ALDH7A1: variants seen among roughly 807,000 people sequenced by gnomAD.
ALDH7A1 encodes the protein aldehyde dehydrogenase 7 family member A1, also known as alpha-aminoadipic semialdehyde dehydrogenase.
A neutral mutation model predicts 79.9 loss-of-function variants in ALDH7A1; 63 were observed. The ratio of observed to expected loss-of-function variants is 0.79; its 90% CI spans 0.64 to 0.97. ALDH7A1 has a LOEUF of 0.97. Among genes scored for constraint, ALDH7A1 ranks in the 50% least tolerant of loss-of-function variants. The pLI is 0.00. For synonymous variants in ALDH7A1, 240 were observed against 231.2 expected (o/e 1.04, Z -0.34); for missense variants, 627 against 665.2 (o/e 0.94, Z 0.63).
intron 7 of ALDH7A1, chr5:126,571,127 C>T (rs761068902): frequency 4.0e-5 from 13 of 321,010 alleles, no homozygotes; most frequent in Middle Eastern, 2.0e-3. Context: ...TTGAAAATGC[C>T]GTTTTCAAAA....
rs760244052 is a variant in ALDH7A1 at position 126,552,138 on chromosome 5, C to A, written c.1201-1G>T. On this transcript the variant is annotated splice_acceptor_variant, in intron 13 of 17. Transcript: ENST00000409134. LOFTEE classifies it high-confidence loss of function. ...CATAATTTCCAGGGCGATCCATAAC[C>A]TAATGCAGAGAAATGAAATAAAAAG... The A allele has an allele frequency of 6.2e-7, 1 of 1,611,082 alleles. No homozygotes were observed. The highest frequency in any genetic ancestry group is 1.1e-5 in the South Asian group (1 of 91,008).
chr5:126,561,052 AAAAC>A (rs1750386163), intron 10 of ALDH7A1, 27 bp downstream of exon 10: 3 of 1,612,672 alleles, frequency 1.9e-6, no homozygotes, highest in Non-Finnish European at 8.5e-7. Context: ...AACTGAACAG[AAAAC>A]AAACAAAAAC....
At chr5:126,558,273 C>T (rs1032990111) in intron 11 of ALDH7A1, among the ~76,000 whole-genome samples, 8 of 149,044 alleles carry the variant, frequency 5.4e-5, no homozygotes, top group African/African-American at 2.0e-4. Context: ...AAAGTTGTAA[C>T]ACATACTAAA....
chr5:126,548,896 A>AT (rs1749889366), intron 16 of ALDH7A1, among the ~76,000 whole-genome samples: 1 of 13,484 alleles, frequency 7.4e-5, no homozygotes, highest in Non-Finnish European at 1.4e-4. Context: ...CCTGTTTCTA[A>AT]AAAAAAAAAA....
intron 8 of ALDH7A1, chr5:126,570,114 A>G (rs1240748648): frequency 6.6e-6 from 1 of 152,422 alleles, no homozygotes; most frequent in East Asian, 1.9e-4. Flanking sequence ...GAGACAGAAA[A>G]TTCTTTAGTG....
chr5:126,576,495 CA>C (rs1470169036), intron 6 of ALDH7A1, among the ~76,000 whole-genome samples: 3 of 152,066 alleles, frequency 2.0e-5, no homozygotes, highest in Non-Finnish European at 4.4e-5. Context: ...CCACTGAACA[CA>C]AAAGTAAAAA....
rs114649469 is a variant in ALDH7A1 at position 126,579,292 on chromosome 5, C to T, written c.518-2081G>A. 9.2e-5 allele frequency among the ~76,000 whole-genome samples: 14 copies of T among 152,342 alleles called. No individual in the cohort carries two copies. In the East Asian group the frequency reaches 1.4e-3, roughly 15 times the overall value. On this transcript the variant is annotated intron_variant, in intron 5 of 17. Coordinates refer to ENST00000409134, the MANE Select transcript of ALDH7A1 (RefSeq NM_001182.5). ...CTTTAAAACAACTTCCAGCACTCCA[C>T]TCCTTCTCCTCTTTGTCCCATTTGG...
chr5:126,545,478 G>A (rs1014197385), intron 17 of ALDH7A1, among the ~76,000 whole-genome samples: 2 of 148,824 alleles, frequency 1.3e-5, no homozygotes, highest in Middle Eastern at 3.4e-3. Flanking sequence ...GGCCAGGCTG[G>A]TCTTGAACTC....
intron 7 of ALDH7A1, among the ~76,000 whole-genome samples, chr5:126,571,612 A>G (rs994989859): frequency 6.6e-6 from 1 of 152,142 alleles, no homozygotes; most frequent in African/African-American, 2.4e-5. Context: ...ATCTGGTTCA[A>G]GACAGCAGAC....
At position 126,595,161 on chromosome 5, in the gene ALDH7A1, G is replaced by A; in HGVS notation, c.38C>T (p.Ala13Val). The A allele has an allele frequency of 1.3e-6, 2 of 1,555,864 alleles. No homozygotes were observed. Among genetic ancestry groups the A allele is most frequent in the South Asian group, 1.2e-5 (1 of 84,562 alleles). The stretch of plus-strand genomic sequence containing the variant: ...AGGTCCAGAGAGCTTGCTGGTCTTT[G>A]CAGCGTGCACACACAGCGCGCGAGG... Reference protein sequence around the residue: ...RLPRALCVHAAKTSKLSGPWS... With the variant: ...RLPRALCVHAVKTSKLSGPWS... Residue 13 changes from alanine (A) to valine (V), a missense_variant, in exon 1 of 18, where the codon GCA becomes GTA. By Grantham distance (64) the Ala-to-Val change is moderately conservative. Coordinates refer to ENST00000409134, the MANE Select transcript of ALDH7A1 (RefSeq NM_001182.5).
At chr5:126,582,098 G>A (rs1751196576) in intron 5 of ALDH7A1, 1 of 398,498 alleles carries the variant, frequency 2.5e-6, no homozygotes, top group Non-Finnish European at 4.4e-6. Flanking sequence ...CTGAAGGGGA[G>A]GATCACTTGA....
chr5:126,572,597 G>A (rs902011997), intron 7 of ALDH7A1, among the ~76,000 whole-genome samples: 5 of 152,198 alleles, frequency 3.3e-5, no homozygotes, highest in African/African-American at 1.2e-4. Flanking sequence ...ACTTCCATCT[G>A]AACTGAGTAT....
intron 5 of ALDH7A1, among the ~76,000 whole-genome samples, chr5:126,580,826 AT>A (rs34575294): frequency 1.7e-3 from 231 of 138,716 alleles, no homozygotes; most frequent in Non-Finnish European, 1.6e-3. Flanking sequence ...TCTTAACCTC[AT>A]TTTTTTTTTT....
chr5:126,560,730 A>G (rs531394856), intron 10 of ALDH7A1, among the ~76,000 whole-genome samples: 27 of 152,346 alleles, frequency 1.8e-4, no homozygotes, highest in African/African-American at 6.5e-4. Context: ...GAAATGATCA[A>G]GTCACATAAG....
intron 5 of ALDH7A1, chr5:126,582,134 A>G (rs1751197957): frequency 2.5e-6 from 1 of 398,760 alleles, no homozygotes; most frequent in Non-Finnish European, 4.4e-6. Flanking sequence ...ACCAGCCTGA[A>G]CAACACAGCA....
chr5:126,576,262 CAAAAAAAAA>C (rs35284915), intron 6 of ALDH7A1, among the ~76,000 whole-genome samples: 1 of 89,246 alleles, frequency 1.1e-5, no homozygotes, highest in Admixed American at 1.3e-4. Flanking sequence ...GACTCTGTCA[CAAAAAAAAA>C]AAAAAAAAAA....
rs762428797 is a variant in ALDH7A1 at position 126,583,980 on chromosome 5, T to C, written c.345A>G (p.Arg115=). The C allele has an allele frequency of 4.3e-6, 7 of 1,614,220 alleles. No individual in the cohort carries two copies. The South Asian group carries it at 7.7e-5, about 18-fold the overall frequency. ...TCTCCCGCAAGGCATCGCCAATCTG[T>C]CTTACTATTTCTCCTCGTTTTGGAG... ...IPAPKRGEIV[R]QIGDALREKI... Residue 115 remains arginine (R), a synonymous_variant, in exon 4 of 18, where the codon AGA becomes AGG. Transcript: ENST00000409134.
intron 15 of ALDH7A1, 66 bp downstream of exon 15, chr5:126,550,129 GT>G: frequency 1.3e-6 from 2 of 1,552,324 alleles, no homozygotes; most frequent in East Asian, 2.2e-5. Flanking sequence ...GACTACAGCA[GT>G]TTTTTTAAGT....
In ALDH7A1 at chr5:126,544,897, T is replaced by G. The variant is rs2775; in HGVS notation, c.*68A>C. 7.3e-7 allele frequency: 1 copy of G among 1,377,874 alleles called. No homozygotes were observed. Among genetic ancestry groups the G allele is most frequent in the Non-Finnish European group, 1.0e-6 (1 of 969,222 alleles). 85.4% of individuals were successfully genotyped at this position (1,377,874 alleles called of 1,614,324 possible). A position where few individuals can be genotyped will look rare whatever the true frequency, so the allele number is the denominator to read the frequency against. On this transcript the variant is annotated 3_prime_UTR_variant, in exon 18 of 18. Transcript: ENST00000409134. Reference sequence around the variant, plus strand: ...GCATTTATTCAGGGAAAACTTTAATTTTCTTTGTCTTCTCCAAAAACAGCT... The same window carrying G: ...GCATTTATTCAGGGAAAACTTTAATGTTCTTTGTCTTCTCCAAAAACAGCT...
Sources: gnomAD v4.1 joint callset for allele counts (sites outside exome capture counted in the v4.1 genomes callset) on GRCh38, gnomAD v4.1.1 for gene constraint, MANE v1.5 for transcripts, NCBI Gene and HGNC (gene_info 2026-07-23, HGNC 2026-07-21) for gene names.